TENM2: variants seen among roughly 807,000 people sequenced by gnomAD.
TENM2 encodes the protein teneurin-2.
In TENM2, 52 loss-of-function variants were observed where a neutral mutation model predicts 245.2. The ratio of observed to expected loss-of-function variants is 0.21; its 90% confidence interval spans 0.17 to 0.27. The LOEUF (loss-of-function observed/expected upper bound fraction) is 0.27, where lower values mean the gene tolerates loss of function less well. Among genes scored for constraint, TENM2 ranks in the 10% least tolerant of loss-of-function variants. The probability of loss-of-function intolerance (pLI) is 1.00; values close to 1 mark genes in which losing one functional copy is unlikely to be tolerated. For synonymous variants in TENM2, 1,363 were observed against 1,438.9 expected (o/e 0.95, Z 1.19); for missense variants, 3,046 against 3,666.8 (o/e 0.83, Z 4.37).
intron 2 of TENM2, among the ~76,000 whole-genome samples, chr5:167,754,660 A>G (rs1383690742): frequency 6.6e-6 from 1 of 152,108 alleles, no homozygotes; most frequent in South Asian, 2.1e-4. Flanking sequence ...AGAAAACAAC[A>G]GAAATTGTGC....
the TENM2 span, among the ~76,000 whole-genome samples, chr5:167,160,256 C>G: frequency 6.6e-6 from 1 of 152,216 alleles, no homozygotes; most frequent in Non-Finnish European, 1.5e-5. Flanking sequence ...TAACGCCAAG[C>G]CAGCATCCTT....
At chr5:167,021,653 A>G in the TENM2 span, among the ~76,000 whole-genome samples, 25 of 152,224 alleles carry the variant, frequency 1.6e-4, no homozygotes, top group Non-Finnish European at 2.8e-4. Flanking sequence ...AACCTGACTC[A>G]AACATCTTTG....
intron 3 of TENM2, among the ~76,000 whole-genome samples, chr5:167,880,590 G>A (rs1378705701): frequency 6.6e-6 from 1 of 152,080 alleles, no homozygotes; most frequent in African/African-American, 2.4e-5. Context: ...CTCACAATGA[G>A]GCCAGAAAGA....
intron 2 of TENM2, among the ~76,000 whole-genome samples, chr5:167,842,823 T>C (rs1769671190): frequency 6.6e-6 from 1 of 152,104 alleles, no homozygotes; most frequent in Admixed American, 6.6e-5. Flanking sequence ...CCTTTATTTA[T>C]CTCATCAAAC....
At chr5:167,832,497 CAG>C (rs756276382) in intron 2 of TENM2, among the ~76,000 whole-genome samples, 1 of 152,166 alleles carries the variant, frequency 6.6e-6, no homozygotes, top group Non-Finnish European at 1.5e-5. Context: ...ATGTAAAAAA[CAG>C]AAAGTTGCAG....
At chr5:168,139,498 G>C (rs1194172763) in intron 12 of TENM2, 1 of 456,326 alleles carries the variant, frequency 2.2e-6, no homozygotes, top group Non-Finnish European at 4.4e-6. Flanking sequence ...ACTGGCAAAG[G>C]CTAGAAGTGA....
intron 5 of TENM2, among the ~76,000 whole-genome samples, chr5:168,040,116 G>A (rs777672054): frequency 1.2e-4 from 19 of 152,096 alleles, no homozygotes; most frequent in East Asian, 7.7e-4. Context: ...GCTGCCTCAC[G>A]CAACTATCAC....
chr5:167,614,948 C>T (rs1003975747), intron 2 of TENM2, among the ~76,000 whole-genome samples: 5 of 152,078 alleles, frequency 3.3e-5, no homozygotes, highest in Non-Finnish European at 7.4e-5. Context: ...TCGTCACTGA[C>T]GGCTCTGACT....
At chr5:167,343,679 G>C (rs559057157) in intron 1 of TENM2, among the ~76,000 whole-genome samples, 2 of 152,022 alleles carry the variant, frequency 1.3e-5, no homozygotes, top group Non-Finnish European at 2.9e-5. Flanking sequence ...CTAAATACTT[G>C]TACTGCATTT....
chr5:168,247,968 T>C lies in TENM2; in HGVS notation c.7029T>C (p.Ile2343=), dbSNP rs969002860. ...TCTACAATCACTCCAACTCGGAGAT[T>C]ACCTCACTGTACTACGACCTCCAGG... The change falls in exon 27 of 29, where the codon ATT becomes ATC. Residue 2343 remains isoleucine (I), a synonymous_variant. Transcript: ENST00000518659. The surrounding 1 kb of genome is among the most constrained non-coding windows in gnomAD (Gnocchi z 7.8). 1.2e-6 allele frequency: 2 copies of C among 1,613,916 alleles called. No individual in the cohort carries two copies. Among genetic ancestry groups the C allele is most frequent in the Non-Finnish European group, 1.7e-6 (2 of 1,179,884 alleles).
At chr5:167,987,821 C>T (rs568991196) in intron 4 of TENM2, among the ~76,000 whole-genome samples, 1 of 152,156 alleles carries the variant, frequency 6.6e-6, no homozygotes, top group Non-Finnish European at 1.5e-5. Context: ...TCACTTCTAT[C>T]GAATCTTTCT....
intron 2 of TENM2, among the ~76,000 whole-genome samples, chr5:167,678,785 C>A (rs1211275122): frequency 2.6e-5 from 4 of 152,114 alleles, no homozygotes; most frequent in Non-Finnish European, 5.9e-5. Flanking sequence ...AGTATAATTG[C>A]TTCAAATCCG....
At chr5:167,807,766 T>G (rs1464317631) in intron 2 of TENM2, among the ~76,000 whole-genome samples, 1 of 152,098 alleles carries the variant, frequency 6.6e-6, no homozygotes, top group Non-Finnish European at 1.5e-5. Context: ...TTTGTCTTTT[T>G]CCGCAGGGCA....
chr5:167,674,070 A>G (rs546934901), intron 2 of TENM2, among the ~76,000 whole-genome samples: 2 of 152,226 alleles, frequency 1.3e-5, no homozygotes, highest in South Asian at 4.1e-4. Context: ...GAAAAAGCTA[A>G]CTTATTGCTG....
intron 4 of TENM2, among the ~76,000 whole-genome samples, chr5:167,968,726 C>A (rs2546935): frequency 0.017 from 2,601 of 152,256 alleles, 73 homozygotes; most frequent in African/African-American, 0.06. Context: ...CTTATCAACG[C>A]AGATCCTCTC....
At chr5:167,342,984 G>A (rs984239500) in intron 1 of TENM2, among the ~76,000 whole-genome samples, 5 of 151,564 alleles carry the variant, frequency 3.3e-5, no homozygotes, top group African/African-American at 9.7e-5. Flanking sequence ...ATATGGGAGC[G>A]TTCTTCTCCT....
intron 9 of TENM2, among the ~76,000 whole-genome samples, chr5:168,115,197 G>T (rs1794957956): frequency 6.6e-6 from 1 of 151,954 alleles, no homozygotes; most frequent in Non-Finnish European, 1.5e-5. Context: ...GGAGGCTGAG[G>T]CAGGAGAATC....
Position 167,578,822 on chromosome 5 carries a change from G to T in TENM2, c.502+203349G>T, listed in dbSNP as rs117006116. ...TTTGACTGACAAGCTCAGCTGTGGA[G>T]ACTACTCTAACTATATAATGGAAGT... On this transcript the variant is annotated intron_variant, in intron 2 of 28. Transcript: ENST00000518659. Among the ~76,000 whole-genome samples the T allele has an allele frequency of 9.4e-3, 1,430 of 152,250 alleles. 23 individuals carry two copies. The highest frequency in any genetic ancestry group is 0.071 in the East Asian group (365 of 5,170).
chr5:167,430,966 C>T (rs1011607611), intron 2 of TENM2, among the ~76,000 whole-genome samples: 3 of 152,056 alleles, frequency 2.0e-5, no homozygotes, highest in African/African-American at 7.2e-5. Context: ...CTTTATGGAG[C>T]CTGAAAAATT....
Sources: allele counts gnomAD v4.1 joint callset (sites outside exome capture counted in the v4.1 genomes callset), GRCh38; gene constraint gnomAD v4.1.1; non-coding constraint Gnocchi (gnomAD v3.1); transcripts MANE v1.5; gene names NCBI Gene and HGNC (gene_info 2026-07-23, HGNC 2026-07-21).